Variants in TMEM132D observed in about 807,000 individuals in gnomAD.
TMEM132D encodes transmembrane protein 132D, also known as mature OL transmembrane protein.
A neutral mutation model predicts 62.3 loss-of-function variants in TMEM132D; 21 were observed. That is an observed-to-expected ratio of 0.34 (90% CI 0.24 to 0.49). The LOEUF is 0.49. TMEM132D is among the 20% of genes least tolerant of loss of function. The pLI, the probability that TMEM132D is intolerant of heterozygous loss-of-function variation, is 0.99. For missense variants in TMEM132D, 1,346 were observed against 1,402.8 expected (o/e 0.96, Z 0.65); for synonymous variants, 621 against 575.6 (o/e 1.08, Z -1.13).
intron 2 of TMEM132D, among the ~76,000 whole-genome samples, chr12:129,532,540 G>A (rs961839982): frequency 1.3e-5 from 2 of 152,210 alleles, no homozygotes; most frequent in Non-Finnish European, 2.9e-5. Context: ...AAAATGTAGT[G>A]TGCAGAAAAG....
chr12:129,393,325 G>A (rs1871338907), intron 3 of TMEM132D, among the ~76,000 whole-genome samples: 1 of 152,202 alleles, frequency 6.6e-6, no homozygotes, highest in Non-Finnish European at 1.5e-5. Flanking sequence ...GCCAATGCTT[G>A]CCCTATCCAG....
chr12:129,720,100 T>C (rs1459950392), intron 1 of TMEM132D, among the ~76,000 whole-genome samples: 1 of 152,204 alleles, frequency 6.6e-6, no homozygotes, highest in Non-Finnish European at 1.5e-5. Flanking sequence ...CACACCATTA[T>C]TTAGAAATGT....
chr12:129,533,083 A>G (rs1024300018), intron 2 of TMEM132D, among the ~76,000 whole-genome samples: 1 of 152,234 alleles, frequency 6.6e-6, no homozygotes, highest in African/African-American at 2.4e-5. Context: ...GCGAGTCCAC[A>G]AAGAGAGAAA....
chr12:129,426,398 G>A (rs566744025), intron 3 of TMEM132D, among the ~76,000 whole-genome samples: 102 of 152,266 alleles, frequency 6.7e-4, no homozygotes, highest in African/African-American at 2.4e-3. Context: ...AAATAAATCA[G>A]TTTAAATGCC....
At chr12:129,772,556 A>T (rs1038422041) in intron 1 of TMEM132D, among the ~76,000 whole-genome samples, 4 of 152,162 alleles carry the variant, frequency 2.6e-5, no homozygotes, top group African/African-American at 9.7e-5. Context: ...ATGAGTCATA[A>T]ATCCCGTGGC....
intron 3 of TMEM132D, among the ~76,000 whole-genome samples, chr12:129,386,333 C>T (rs1264484597): frequency 2.0e-5 from 3 of 152,126 alleles, no homozygotes; most frequent in African/African-American, 7.2e-5. Context: ...AAAACCAATG[C>T]TAAAACTAAT....
chr12:129,497,945 G>A (rs1394414818), intron 3 of TMEM132D, among the ~76,000 whole-genome samples: 3 of 152,054 alleles, frequency 2.0e-5, no homozygotes, highest in Admixed American at 1.3e-4. Context: ...AGAGGCATAA[G>A]CTACTATGCC....
intron 1 of TMEM132D, among the ~76,000 whole-genome samples, chr12:129,847,352 G>A (rs1873395351): frequency 6.6e-6 from 1 of 152,134 alleles, no homozygotes; most frequent in Non-Finnish European, 1.5e-5. Flanking sequence ...TGTCTGCTGT[G>A]ATTAATTGGA....
chr12:129,278,164 T>C (rs183612248), intron 4 of TMEM132D, among the ~76,000 whole-genome samples: 2 of 152,254 alleles, frequency 1.3e-5, no homozygotes, highest in East Asian at 1.9e-4. Flanking sequence ...GTGCATTGAT[T>C]TGGGTGTTCC....
chr12:129,794,863 T>C (rs903599783), intron 1 of TMEM132D, among the ~76,000 whole-genome samples: 30 of 152,182 alleles, frequency 2.0e-4, no homozygotes, highest in African/African-American at 7.0e-4. Flanking sequence ...TAAGTAACGA[T>C]TTCCTCCTGC....
intron 4 of TMEM132D, among the ~76,000 whole-genome samples, chr12:129,301,630 C>T (rs1251625907): frequency 6.6e-6 from 1 of 152,156 alleles, no homozygotes; most frequent in Non-Finnish European, 1.5e-5. Context: ...CAGCTGCAAC[C>T]ATGAGCGCAA....
chr12:129,125,425 C>A (rs1355170417), intron 5 of TMEM132D, among the ~76,000 whole-genome samples: 5 of 152,128 alleles, frequency 3.3e-5, no homozygotes, highest in Non-Finnish European at 1.5e-5. Flanking sequence ...AATTTCCAAC[C>A]CTGTGTAGAC....
rs879437847 is a variant in TMEM132D, at chr12:129,713,402, G to GT, written c.80-12705dup. Among the ~76,000 whole-genome samples, 1,093 of 138,928 alleles carry GT rather than the reference G, an allele frequency of 7.9e-3. 3 individuals carry two copies. Among genetic ancestry groups the GT allele is most frequent in the Admixed American group, 0.013 (180 of 13,872 alleles). The allele number at this position is 138,928 out of a possible 152,430, so 91.1% of individuals were successfully genotyped here. ...TCTGATCTCAGATTTTTGGTTTTTT[G>GT]TTGTTTTTTTTTTTAATAAAAATTG... On this transcript the variant is annotated intron_variant, in intron 1 of 8. Transcript: ENST00000422113.
At chr12:129,845,625 C>G (rs1337292630) in intron 1 of TMEM132D, among the ~76,000 whole-genome samples, 3 of 152,150 alleles carry the variant, frequency 2.0e-5, no homozygotes, top group African/African-American at 7.2e-5. Context: ...TTAGATTTAA[C>G]CCAAATTAAA....
chr12:129,677,831 CTTTT>C (rs869098260), intron 2 of TMEM132D, among the ~76,000 whole-genome samples: 6 of 117,620 alleles, frequency 5.1e-5, no homozygotes, highest in African/African-American at 1.2e-4. Context: ...GTGATTTTGT[CTTTT>C]TTTTTTTTTT....
chr12:129,585,468 T>C (rs1039422700), intron 2 of TMEM132D, among the ~76,000 whole-genome samples: 18 of 152,192 alleles, frequency 1.2e-4, no homozygotes, highest in Non-Finnish European at 1.9e-4. Flanking sequence ...AGCGCTGTCA[T>C]TGGTTGGCTG....
At chr12:129,075,163 C>G (rs1874212152) in intron 8 of TMEM132D, 104 bp from the exon 9 acceptor site, 7 of 864,714 alleles carry the variant, frequency 8.1e-6, no homozygotes, top group South Asian at 3.5e-5. Flanking sequence ...GCTACAAGAA[C>G]AAAGACAAAC....
chr12:129,501,506 A>AT (rs1369832048), intron 3 of TMEM132D, among the ~76,000 whole-genome samples: 2 of 151,910 alleles, frequency 1.3e-5, no homozygotes, highest in Middle Eastern at 3.2e-3. Context: ...GATTTTTTTA[A>AT]TTTTTTTTAT....
chr12:129,817,999 G>A (rs1232849712), intron 1 of TMEM132D, among the ~76,000 whole-genome samples: 1 of 147,796 alleles, frequency 6.8e-6, no homozygotes, highest in African/African-American at 2.5e-5. Context: ...TGTGGTGTAA[G>A]TGTGTGTGTC....
Sources: allele counts gnomAD v4.1 joint callset (sites outside exome capture counted in the v4.1 genomes callset), GRCh38; gene constraint gnomAD v4.1.1; transcripts MANE v1.5; gene names NCBI Gene and HGNC (gene_info 2026-07-23, HGNC 2026-07-21).